Variants in FHIT observed in about 807,000 individuals in gnomAD.
The protein encoded by FHIT is fragile histidine triad diadenosine triphosphatase.
FHIT carries 19 observed loss-of-function variants against 17.9 expected under a neutral mutation model. The ratio of observed to expected loss-of-function variants is 1.06; its 90% CI spans 0.74 to 1.56. The LOEUF (loss-of-function observed/expected upper bound fraction) is 1.56. Ranked by LOEUF, FHIT falls within the 40% of genes most tolerant of loss-of-function variation. The pLI is 0.00. For synonymous variants in FHIT, 81 were observed against 69.7 expected, an observed-to-expected ratio of 1.16 and a Z score of -0.81; for missense variants, 248 against 189.2, an observed-to-expected ratio of 1.31 and a Z score of -1.82.
chr3:60,690,271 C>T (rs1559642505), intron 4 of FHIT: 1 of 549,164 alleles, frequency 1.8e-6, no homozygotes, highest in Non-Finnish European at 3.6e-6. Flanking sequence ...GCTAGTCTTG[C>T]CATTCCTGAA....
At chr3:60,020,446 A>G (rs1420000581) in intron 5 of FHIT, among the ~76,000 whole-genome samples, 2 of 152,204 alleles carry the variant, frequency 1.3e-5, no homozygotes, top group Non-Finnish European at 2.9e-5. Flanking sequence ...GAAGTCACCA[A>G]AATAAAGCAA....
chr3:60,403,034 T>G (rs991074728), intron 5 of FHIT, among the ~76,000 whole-genome samples: 82 of 152,338 alleles, frequency 5.4e-4, no homozygotes, highest in African/African-American at 1.9e-3. Flanking sequence ...TTTTGACTGG[T>G]TCTCTGCTTT....
At chr3:60,877,286 C>A (rs543790175) in intron 3 of FHIT, among the ~76,000 whole-genome samples, 10 of 152,318 alleles carry the variant, frequency 6.6e-5, no homozygotes, top group African/African-American at 2.4e-4. Flanking sequence ...CACCCCAAAC[C>A]AGTGGCCACA....
In FHIT at chr3:60,188,885, C is replaced by T. The variant is rs114971849; in HGVS notation, c.104-174733G>A. Among the ~76,000 whole-genome samples the T allele has an allele frequency of 5.8e-3, 876 of 151,774 alleles. 7 individuals carry two copies. Among genetic ancestry groups the T allele is most frequent in the African/African-American group, 0.02 (820 of 41,412 alleles). ...CTCACAAAGCAATTTTTTTTTTAGC[C>T]GCAGGGCACCCCAGTAGAAGTTAAA... On this transcript the variant is annotated intron_variant, in intron 5 of 9. Transcript: ENST00000492590.
intron 5 of FHIT, among the ~76,000 whole-genome samples, chr3:60,452,364 A>G (rs937895010): frequency 6.6e-6 from 1 of 152,196 alleles, no homozygotes; most frequent in African/African-American, 2.4e-5. Flanking sequence ...GACAGATGTG[A>G]AAGGTTAGGA....
intron 4 of FHIT, among the ~76,000 whole-genome samples, chr3:60,626,202 C>T (rs543931028): frequency 6.6e-6 from 1 of 152,124 alleles, no homozygotes; most frequent in African/African-American, 2.4e-5. Context: ...CAGCTATTCT[C>T]AGGATCCCTT....
At chr3:59,982,787 A>G (rs980121308) in intron 7 of FHIT, among the ~76,000 whole-genome samples, 1 of 152,170 alleles carries the variant, frequency 6.6e-6, no homozygotes, top group Non-Finnish European at 1.5e-5. Flanking sequence ...AGACCAGCAC[A>G]TCAGCCCCAG....
chr3:60,619,343 T>C (rs1016054466), intron 4 of FHIT, among the ~76,000 whole-genome samples: 54 of 151,996 alleles, frequency 3.6e-4, no homozygotes, highest in African/African-American at 1.3e-3. Context: ...CCCAGCAACC[T>C]ATTTTTTGTG....
chr3:61,105,843 A>C (rs1310332392), intron 2 of FHIT, among the ~76,000 whole-genome samples: 1 of 152,238 alleles, frequency 6.6e-6, no homozygotes, highest in Non-Finnish European at 1.5e-5. Context: ...AAAACAAATG[A>C]ATCAATTCAA....
chr3:60,961,022 T>A (rs1239512760), intron 3 of FHIT, among the ~76,000 whole-genome samples: 1 of 152,254 alleles, frequency 6.6e-6, no homozygotes, highest in Non-Finnish European at 1.5e-5. Flanking sequence ...TCTTCCACAA[T>A]GGTTGAACTA....
intron 8 of FHIT, among the ~76,000 whole-genome samples, chr3:59,893,652 T>C (rs764595184): frequency 6.6e-6 from 1 of 152,204 alleles, no homozygotes; most frequent in Non-Finnish European, 1.5e-5. Flanking sequence ...AGCTGGACAA[T>C]ACCATTTCCA....
At chr3:60,103,174 G>A (rs897791495) in intron 5 of FHIT, among the ~76,000 whole-genome samples, 2 of 152,114 alleles carry the variant, frequency 1.3e-5, no homozygotes, top group African/African-American at 2.4e-5. Context: ...CACAGGAAAG[G>A]AGACAGCTGT....
At chr3:60,174,650 T>C (rs1408936601) in intron 5 of FHIT, among the ~76,000 whole-genome samples, 15 of 152,032 alleles carry the variant, frequency 9.9e-5, no homozygotes, top group Admixed American at 9.2e-4. Context: ...CTTTTTTTTT[T>C]CAAGCTCAGA....
chr3:61,227,553 A>G (rs2040000075), intron 1 of FHIT, among the ~76,000 whole-genome samples: 1 of 152,194 alleles, frequency 6.6e-6, no homozygotes, highest in South Asian at 2.1e-4. Context: ...ATGAAAATTA[A>G]TATAAGCAGT....
At chr3:59,916,252 A>G (rs1277433350) in intron 8 of FHIT, among the ~76,000 whole-genome samples, 1 of 152,084 alleles carries the variant, frequency 6.6e-6, no homozygotes, top group African/African-American at 2.4e-5. Flanking sequence ...GCCCTCGAAC[A>G]TCGGACTCCA....
At chr3:59,953,310 A>ATGAC (rs1360856153) in intron 7 of FHIT, among the ~76,000 whole-genome samples, 3 of 150,946 alleles carry the variant, frequency 2.0e-5, no homozygotes, top group African/African-American at 7.3e-5. Flanking sequence ...CTCTCTCCTT[A>ATGAC]TGACTGTCTT....
At chr3:59,794,660 T>C (rs965317236) in intron 8 of FHIT, among the ~76,000 whole-genome samples, 16 of 152,366 alleles carry the variant, frequency 1.1e-4, no homozygotes, top group South Asian at 4.1e-4. Flanking sequence ...CCAAGTGATA[T>C]TGTAACAGCA....
intron 5 of FHIT, among the ~76,000 whole-genome samples, chr3:60,101,540 G>C (rs570169844): frequency 6.6e-6 from 1 of 152,056 alleles, no homozygotes; most frequent in Non-Finnish European, 1.5e-5. Flanking sequence ...ATTACATTAC[G>C]TATTTTTTTC....
At chr3:60,472,726 T>C (rs765502372) in intron 5 of FHIT, among the ~76,000 whole-genome samples, 1 of 152,120 alleles carries the variant, frequency 6.6e-6, no homozygotes, top group Admixed American at 6.5e-5. Flanking sequence ...TGGTTTCTCA[T>C]AGAGAAAATA....
Sources: allele counts gnomAD v4.1 joint callset (sites outside exome capture counted in the v4.1 genomes callset), GRCh38; gene constraint gnomAD v4.1.1; transcripts MANE v1.5; gene names NCBI Gene and HGNC (gene_info 2026-07-23, HGNC 2026-07-21).